The following PRKD1 variants were observed in gnomAD, a reference collection of about 807,000 sequenced individuals.
PRKD1 encodes protein kinase D1, also known as serine/threonine-protein kinase D1.
Under a neutral mutation model 95.9 loss-of-function variants are expected in PRKD1, and 63 were observed. The observed-to-expected ratio is 0.66, with a 90% confidence interval of 0.54 to 0.81. PRKD1 has a LOEUF of 0.81. PRKD1 is among the 30% of genes least tolerant of loss of function. The probability of loss-of-function intolerance (pLI) is 0.00; values close to 1 mark genes in which losing one functional copy is unlikely to be tolerated. For synonymous variants in PRKD1, 425 were observed against 423.1 expected (o/e 1.00, Z -0.05); for missense variants, 1,048 against 1,165.3 (o/e 0.90, Z 1.47).
intron 2 of PRKD1, among the ~76,000 whole-genome samples, chr14:29,718,003 G>C (rs1434483348): frequency 6.6e-6 from 1 of 152,154 alleles, no homozygotes; most frequent in Non-Finnish European, 1.5e-5. Context: ...TGAGGAAGAA[G>C]TGCACCAAGC....
At chr14:29,644,454 T>C (rs1475125137) in intron 4 of PRKD1, among the ~76,000 whole-genome samples, 1 of 152,014 alleles carries the variant, frequency 6.6e-6, no homozygotes, top group Non-Finnish European at 1.5e-5. Flanking sequence ...GTAAAACAGA[T>C]AGCTACAGCT....
chr14:29,695,007 C>T (rs1057353860), intron 2 of PRKD1, among the ~76,000 whole-genome samples: 4 of 151,986 alleles, frequency 2.6e-5, no homozygotes, highest in Non-Finnish European at 5.9e-5. Flanking sequence ...CCCAGGCTGG[C>T]GGATCACCTG....
In PRKD1 at chr14:29,639,104, TA is replaced by T. The variant is rs58081767; in HGVS notation, c.697-201del. Among the ~76,000 whole-genome samples the T allele has an allele frequency of 5.5e-3, 811 of 148,758 alleles. 13 individuals are homozygous for T. Among genetic ancestry groups the T allele is most frequent in the African/African-American group, 0.018 (737 of 40,704 alleles). ...TTGAGTTACCTTGCTTGTATAATCT[TA>T]AAAAAAAAAGAGAATTGGAGATCAG... On this transcript the variant is annotated intron_variant, in intron 4 of 17. Transcript: ENST00000331968.
rs55654917 is a variant in PRKD1 at position 29,597,555 on chromosome 14, G to A, written c.2370C>T (p.His790=). 2.9e-4 allele frequency: 474 copies of A among 1,613,788 alleles called. No individual in the cohort carries two copies. Among genetic ancestry groups the A allele is most frequent in the Non-Finnish European group, 3.2e-4 (379 of 1,179,788 alleles). Residue 790 remains histidine (H), a synonymous_variant, in exon 16 of 18, where the codon CAC becomes CAT. Transcript: ENST00000331968. ...TGAAAGCTGCATTCTGAATTTGGTC[G>A]TGTATGTCTTCATCTTCATTAAATG... ...TFPFNEDEDI[H]DQIQNAAFMY...
At chr14:29,583,285 G>A (rs1041729577) in intron 16 of PRKD1, among the ~76,000 whole-genome samples, 3 of 152,246 alleles carry the variant, frequency 2.0e-5, no homozygotes, top group South Asian at 2.1e-4. Context: ...AACAGATGCC[G>A]TTTAAATAGC....
intron 1 of PRKD1, among the ~76,000 whole-genome samples, chr14:29,864,311 A>G (rs1892809884): frequency 6.6e-6 from 1 of 152,122 alleles, no homozygotes; most frequent in African/African-American, 2.4e-5. Flanking sequence ...CCTGCACTTA[A>G]AAGTCTTAAA....
chr14:29,878,315 T>A (rs1228539621), intron 1 of PRKD1, among the ~76,000 whole-genome samples: 1 of 59,574 alleles, frequency 1.7e-5, no homozygotes, highest in Non-Finnish European at 3.2e-5. Context: ...GTTTTTTTTT[T>A]AAAGAAAAAT....
chr14:29,917,440 A>C (rs1387761655), intron 1 of PRKD1, among the ~76,000 whole-genome samples: 1 of 151,900 alleles, frequency 6.6e-6, no homozygotes, highest in South Asian at 2.1e-4. Context: ...TCGGTGAATA[A>C]ATTTCAAGCA....
chr14:29,783,544 G>A (rs914865307), intron 1 of PRKD1, among the ~76,000 whole-genome samples: 1 of 152,054 alleles, frequency 6.6e-6, no homozygotes, highest in Non-Finnish European at 1.5e-5. Context: ...TATATATGGT[G>A]GTTCCATTTT....
At chr14:29,857,454 T>C (rs779112808) in intron 1 of PRKD1, among the ~76,000 whole-genome samples, 4 of 152,192 alleles carry the variant, frequency 2.6e-5, no homozygotes, top group Admixed American at 6.5e-5. Context: ...CTGAAAGGAA[T>C]TGTTGGCCTT....
chr14:29,903,435 A>G (rs191908937), intron 1 of PRKD1, among the ~76,000 whole-genome samples: 106 of 152,358 alleles, frequency 7.0e-4, no homozygotes, highest in African/African-American at 2.5e-3. Context: ...TCTCACGGAT[A>G]CTACTGAGGA....
At chr14:29,587,019 C>T (rs538305179) in intron 16 of PRKD1, among the ~76,000 whole-genome samples, 27 of 152,218 alleles carry the variant, frequency 1.8e-4, no homozygotes, top group African/African-American at 6.5e-4. Flanking sequence ...AGTGCTTGTG[C>T]CACAGTGAAC....
chr14:29,810,468 C>A (rs527882357), intron 1 of PRKD1, among the ~76,000 whole-genome samples: 5 of 152,310 alleles, frequency 3.3e-5, no homozygotes, highest in Admixed American at 6.5e-5. Flanking sequence ...TCTACATTTA[C>A]AAACTTTTCA....
intron 1 of PRKD1, among the ~76,000 whole-genome samples, chr14:29,755,289 C>T (rs1953725): frequency 0.78 from 118,180 of 151,760 alleles, 47,272 homozygotes; most frequent in East Asian, 1. Context: ...CCCATATCTA[C>T]TACTTTTTTC....
At chr14:29,855,593 T>C (rs183201411) in intron 1 of PRKD1, among the ~76,000 whole-genome samples, 98 of 152,186 alleles carry the variant, frequency 6.4e-4, no homozygotes, top group African/African-American at 2.3e-3. Flanking sequence ...GAAGGCATGA[T>C]TGGTTTTGAA....
chr14:29,712,157 T>C lies in PRKD1; in HGVS notation c.403+13379A>G, dbSNP rs921291485. Among the ~76,000 whole-genome samples the C allele has an allele frequency of 8.5e-5, 13 of 152,284 alleles. 2 individuals are homozygous for C. The highest frequency in any genetic ancestry group is 5.2e-4 in the Admixed American group (8 of 15,262). On this transcript the variant is annotated intron_variant, in intron 2 of 17. Transcript: ENST00000331968. ...CACCCATCACTCCCAAATAATGTGATTGCAGAGAGCACAGTGAAACAAAAG... is the reference window on the plus strand; with the variant it reads ...CACCCATCACTCCCAAATAATGTGACTGCAGAGAGCACAGTGAAACAAAAG...
At chr14:29,859,257 G>C (rs769382707) in intron 1 of PRKD1, among the ~76,000 whole-genome samples, 21 of 152,018 alleles carry the variant, frequency 1.4e-4, no homozygotes, top group African/African-American at 5.1e-4. Context: ...GGATCACGAG[G>C]TCAGGAGATT....
chr14:29,768,779 C>A (rs143477928), intron 1 of PRKD1, among the ~76,000 whole-genome samples: 1 of 151,434 alleles, frequency 6.6e-6, no homozygotes, highest in African/African-American at 2.4e-5. Context: ...ACAAACACTA[C>A]AAAACAGACC....
chr14:29,647,692 A>G (rs1354219806), intron 4 of PRKD1, among the ~76,000 whole-genome samples: 1 of 152,232 alleles, frequency 6.6e-6, no homozygotes, highest in Admixed American at 6.5e-5. Context: ...ACACAGTCCT[A>G]GGCCACAAAG....
Sources: allele counts gnomAD v4.1 joint callset (sites outside exome capture counted in the v4.1 genomes callset), GRCh38; gene constraint gnomAD v4.1.1; transcripts MANE v1.5; gene names NCBI Gene and HGNC (gene_info 2026-07-23, HGNC 2026-07-21).